Variants in FAM167A observed in about 807,000 individuals in gnomAD.
FAM167A encodes family with sequence similarity 167 member A.
Under a neutral mutation model 14.9 loss-of-function variants are expected in FAM167A, and 23 were observed. The observed-to-expected ratio is 1.55, with a 90% CI of 1.11 to 2.19. The LOEUF is 2.19. Ranked by LOEUF, FAM167A falls within the 30% of genes most tolerant of loss-of-function variation. The pLI is 0.00. For missense variants in FAM167A, 401 were observed against 281.5 expected (o/e 1.42, Z -3.04); for synonymous variants, 174 against 117.7 (o/e 1.48, Z -3.10).
At chr8:11,445,214 CCT>C in intron 1 of FAM167A, 2 of 985,350 alleles carry the variant, frequency 2.0e-6, no homozygotes, top group South Asian at 9.4e-5. Context: ...ACAGGTCTTT[CCT>C]CTCTGTGGCA....
chr8:11,436,279 A>T (rs1285533074), intron 2 of FAM167A, among the ~76,000 whole-genome samples: 1 of 152,184 alleles, frequency 6.6e-6, no homozygotes, highest in Non-Finnish European at 1.5e-5. Flanking sequence ...GAGGAGGGCC[A>T]GGCCCGCCAC....
chr8:11,457,040 C>T (rs1197804510), intron 1 of FAM167A, among the ~76,000 whole-genome samples: 1 of 99,234 alleles, frequency 1.0e-5, no homozygotes, highest in African/African-American at 4.1e-5. Flanking sequence ...ATGGGCGGGG[C>T]TGGGTTAAGG....
intron 2 of FAM167A, among the ~76,000 whole-genome samples, chr8:11,428,153 T>C (rs1805315696): frequency 1.3e-5 from 2 of 152,216 alleles, no homozygotes; most frequent in South Asian, 4.1e-4. Context: ...GAATTGCATC[T>C]TTGGTGTGAA....
Position 11,424,616 on chromosome 8 carries a change from G to T in FAM167A, c.402C>A (p.Asp134Glu). The change falls in exon 3 of 3, where the codon GAC (aspartate) becomes GAA (glutamate). Residue 134 changes from aspartate (D) to glutamate (E), a missense_variant. By Grantham distance (45) the Asp-to-Glu change is conservative. Coordinates refer to ENST00000284486, the MANE Select transcript of FAM167A (RefSeq NM_053279.3). The part of the protein sequence containing the change: ...RKELTEMRLQ[D>E]QQLARQLMRL... ...GCATGAGCTGTCTGGCCAGTTGCTG[G>T]TCCTGCAGCCGCATCTCCGTCTGGA... 1 of 1,613,908 alleles carries T rather than the reference G, an allele frequency of 6.2e-7. No homozygotes were observed.
rs965008978 is a variant in FAM167A, at chr8:11,423,837, C to T, written c.*536G>A. ...GTCCCCAAGTGCCCATTTGTCATGC[C>T]TTTCGATTTTCCCTTCCTAGTAGCT... is the stretch of plus-strand genomic sequence containing the variant. On this transcript the variant is annotated 3_prime_UTR_variant, in exon 3 of 3. Transcript: ENST00000284486. 2 of 158,530 alleles carry T rather than the reference C, an allele frequency of 1.3e-5. No homozygotes were observed. The highest frequency in any genetic ancestry group is 2.8e-5 in the Non-Finnish European group (2 of 71,582). 9.8% of individuals were successfully genotyped at this position (158,530 alleles called of 1,614,324 possible).
intron 1 of FAM167A, among the ~76,000 whole-genome samples, chr8:11,464,182 C>T (rs1800107741): frequency 6.6e-6 from 1 of 152,156 alleles, no homozygotes; most frequent in Admixed American, 6.5e-5. Context: ...AACTGCTCTG[C>T]TCACCTTCTT....
intron 2 of FAM167A, among the ~76,000 whole-genome samples, chr8:11,436,677 C>T (rs981782192): frequency 6.6e-6 from 1 of 152,366 alleles, no homozygotes; most frequent in South Asian, 2.1e-4. Flanking sequence ...AAGGTGATAA[C>T]TGTCCTATGG....
At chr8:11,464,008 AAG>A (rs1280144397) in intron 1 of FAM167A, among the ~76,000 whole-genome samples, 1 of 152,148 alleles carries the variant, frequency 6.6e-6, no homozygotes, top group Non-Finnish European at 1.5e-5. Context: ...GCTGCTAGAG[AAG>A]AGAGGCCCCC....
intron 2 of FAM167A, chr8:11,434,263 A>C (rs1805834979): frequency 6.6e-6 from 1 of 152,312 alleles, no homozygotes; most frequent in Middle Eastern, 3.4e-3. Context: ...GGCCGCACTC[A>C]CGCTCTGCAG....
chr8:11,473,174 C>T (rs1050091979), intron 1 of FAM167A, among the ~76,000 whole-genome samples: 6 of 152,208 alleles, frequency 3.9e-5, no homozygotes, highest in South Asian at 2.1e-4. Flanking sequence ...CCCACGGCAA[C>T]GTCAGTGATG....
At chr8:11,456,392 T>TGTGAGTGTGA (rs1554530404) in intron 1 of FAM167A, among the ~76,000 whole-genome samples, 1 of 120,496 alleles carries the variant, frequency 8.3e-6, no homozygotes, top group Non-Finnish European at 1.7e-5. Context: ...GCCTGGTGTG[T>TGTGAGTGTGA]GTGTGAGTGT....
In FAM167A at chr8:11,422,733, G is replaced by C. The variant is rs114930230; in HGVS notation, c.*1640C>G. On this transcript the variant is annotated 3_prime_UTR_variant, in exon 3 of 3. Transcript: ENST00000284486. ...GCAACCTCTCCCCTATGTGGGTCAC[G>C]ATGTGTGGGTGGACACGGGCCCCAC... 6.6e-6 allele frequency: 1 copy of C among 152,236 alleles called. No individual in the cohort carries two copies. Among genetic ancestry groups the C allele is most frequent in the East Asian group, 1.9e-4 (1 of 5,192 alleles). The allele number at this position is 152,236 out of a possible 1,614,324, so 9.4% of individuals were successfully genotyped here. A position where few individuals can be genotyped will look rare whatever the true frequency, so the allele number is the denominator to read the frequency against.
rs1312148839 is a variant in FAM167A, at chr8:11,424,501, C to T, written c.517G>A (p.Glu173Lys). 6 of 1,614,136 alleles carry T rather than the reference C, an allele frequency of 3.7e-6. No homozygotes were observed. Among genetic ancestry groups the T allele is most frequent in the South Asian group, 2.2e-5 (2 of 91,080 alleles). ...MLNDATYELE[E>K]RDELADLFCD... ...AAGAGGTCGGCCAGCTCATCCCGCTCCTCCAGCTCGTAGGTGGCATCGTTG... is the reference window on the plus strand; with the variant it reads ...AAGAGGTCGGCCAGCTCATCCCGCTTCTCCAGCTCGTAGGTGGCATCGTTG... The change falls in exon 3 of 3, where the codon GAG becomes AAG. Residue 173 changes from glutamate to lysine, a missense_variant. Transcript: ENST00000284486.
chr8:11,424,693 G>GC, intron 2 of FAM167A, 57 bp from the exon 3 acceptor site: 6 of 1,592,796 alleles, frequency 3.8e-6, no homozygotes, highest in Non-Finnish European at 5.1e-6. Flanking sequence ...TCCCTGACAG[G>GC]CACAGACTGG....
intron 1 of FAM167A, among the ~76,000 whole-genome samples, chr8:11,474,198 C>A (rs558122200): frequency 6.6e-6 from 1 of 152,190 alleles, no homozygotes; most frequent in Non-Finnish European, 1.5e-5. Context: ...CACGTCTGCG[C>A]GCCAACTGCT....
In FAM167A at chr8:11,444,099, G is replaced by A; in HGVS notation, c.313C>T (p.Leu105=). Residue 105 remains leucine (L), a synonymous_variant, in exon 2 of 3, where the codon CTG becomes TTG. Coordinates refer to ENST00000284486, the MANE Select transcript of FAM167A (RefSeq NM_053279.3). ...ARSASQGARP[L]STGKLEGFQS... ...AAGCCTTCCAGCTTGCCAGTGGACA[G>A]GGGTCTGGCACCTTGGCTGGCACTC... 1.2e-6 allele frequency: 2 copies of A among 1,613,560 alleles called. No homozygotes were observed. The highest frequency in any genetic ancestry group is 1.7e-6 in the Non-Finnish European group (2 of 1,180,014).
intron 2 of FAM167A, among the ~76,000 whole-genome samples, chr8:11,429,074 CTT>C (rs1254711692): frequency 6.6e-6 from 1 of 152,068 alleles, no homozygotes; most frequent in Non-Finnish European, 1.5e-5. Flanking sequence ...CTCCAGAGCT[CTT>C]TTTATCGTTC....
chr8:11,445,782 G>T (rs1806749078), intron 1 of FAM167A, among the ~76,000 whole-genome samples: 1 of 151,716 alleles, frequency 6.6e-6, no homozygotes, highest in African/African-American at 2.4e-5. Context: ...CATCTGATTT[G>T]GACCCAGGTG....
intron 1 of FAM167A, among the ~76,000 whole-genome samples, chr8:11,455,738 G>A (rs1339254953): frequency 6.7e-6 from 1 of 150,342 alleles, no homozygotes; most frequent in African/African-American, 2.5e-5. Flanking sequence ...TGTCGGGGGT[G>A]GTTGCCTTGC....
Sources: allele counts gnomAD v4.1 joint callset (sites outside exome capture counted in the v4.1 genomes callset), GRCh38; gene constraint gnomAD v4.1.1; transcripts MANE v1.5; gene names NCBI Gene and HGNC (gene_info 2026-07-23, HGNC 2026-07-21).